Variants in FBN2 observed in about 807,000 individuals in gnomAD.
FBN2 encodes the protein fibrillin-2.
A neutral mutation model predicts 355.6 loss-of-function variants in FBN2; 105 were observed. The ratio of observed to expected loss-of-function variants is 0.30; its 90% CI spans 0.25 to 0.35. The LOEUF is 0.35. Ranked by LOEUF, FBN2 falls within the 10% of genes least tolerant of loss-of-function variation. The probability of loss-of-function intolerance (pLI) is 1.00; values close to 1 mark genes in which losing one functional copy is unlikely to be tolerated. For synonymous variants in FBN2, 1,350 were observed against 1,301.2 expected (o/e 1.04, Z -0.81); for missense variants, 3,280 against 3,758.7 (o/e 0.87, Z 3.33).
At chr5:128,380,233 A>G (rs1752194412) in intron 11 of FBN2, among the ~76,000 whole-genome samples, 1 of 152,114 alleles carries the variant, frequency 6.6e-6, no homozygotes, top group Non-Finnish European at 1.5e-5. Flanking sequence ...GCAAGCATAT[A>G]AAGTATAATA....
In FBN2 at chr5:128,357,289, T is replaced by G. The variant is rs774598529; in HGVS notation, c.2661A>C (p.Gly887=). ...CSPGSKLSST[G]LICIDSLKGT... ...TATGAATCTTACCAATACAGATCAA[T>G]CCTGTGGAGCTGAGTTTGCTGCCGG... The change falls in exon 20 of 65, where the codon GGA becomes GGC. Residue 887 remains glycine (G), a synonymous_variant. Coordinates refer to ENST00000262464, the MANE Select transcript of FBN2 (RefSeq NM_001999.4). 6.2e-7 allele frequency: 1 copy of G among 1,613,942 alleles called. No homozygotes were observed. Among genetic ancestry groups the G allele is most frequent in the Admixed American group, 1.7e-5 (1 of 60,010 alleles).
rs1384050918 is a variant in FBN2, at chr5:128,338,190, G to A, written c.3473-68C>T. ...AAAAATATTCACACATACAGCGTGG[G>A]AGAAAGAATATTATCTGATGTGAGA... On this transcript the variant is annotated intron_variant, in intron 26 of 64. Coordinates refer to ENST00000262464, the MANE Select transcript of FBN2 (RefSeq NM_001999.4). 4 of 1,464,576 alleles carry A rather than the reference G, an allele frequency of 2.7e-6. No individual in the cohort carries two copies. The African/African-American group carries it at 4.2e-5, about 15-fold the overall frequency. The allele number at this position is 1,464,576 out of a possible 1,614,324, so 90.7% of individuals were successfully genotyped here. A position where few individuals can be genotyped will look rare whatever the true frequency, so the allele number is the denominator to read the frequency against.
rs569461282 is a variant in FBN2 at position 128,341,156 on chromosome 5, C to T, written c.3344-2095G>A. On this transcript the variant is annotated intron_variant, in intron 25 of 64. Transcript: ENST00000262464. ...TTTTCCACAGAACTTCACAGTATAT[C>T]CAGAGCAATGCAGCCCTGTCAATGT... Among the ~76,000 whole-genome samples, 6 of 152,270 alleles carry T rather than the reference C, an allele frequency of 3.9e-5. No individual in the cohort carries two copies. In the South Asian group the frequency reaches 1.2e-3, roughly 32 times the overall value.
At chr5:128,473,096 T>C (rs1754916663) in intron 5 of FBN2, among the ~76,000 whole-genome samples, 1 of 152,194 alleles carries the variant, frequency 6.6e-6, no homozygotes, top group African/African-American at 2.4e-5. Flanking sequence ...ACATACTTAC[T>C]GACTATACTT....
chr5:128,263,593 C>T lies in FBN2; in HGVS notation c.8024G>A (p.Ser2675Asn), dbSNP rs761606393. Residue 2675 changes from serine (S) to asparagine (N), a missense_variant, in exon 63 of 65, where the codon AGT (serine) becomes AAT (asparagine). Around this residue, in one of 6 missense-constraint regions of FBN2, gnomAD observed 311 missense variants for 319.1 expected, o/e 0.97. Transcript: ENST00000262464. ...CCCCGAGGGGCAGGCGCACTTGTAACTCCCCAGGGTGTTGTAGCAGGAAGC... is the reference window on the plus strand; with the variant it reads ...CCCCGAGGGGCAGGCGCACTTGTAATTCCCCAGGGTGTTGTAGCAGGAAGC... ...GSASCYNTLG[S>N]YKCACPSGFS... is the part of the protein sequence containing the mutation. The T allele has an allele frequency of 1.2e-6, 2 of 1,614,138 alleles. No individual in the cohort carries two copies. Among genetic ancestry groups the T allele is most frequent in the Non-Finnish European group, 1.7e-6 (2 of 1,180,014 alleles).
intron 27 of FBN2, among the ~76,000 whole-genome samples, chr5:128,337,596 C>T (rs971934437): frequency 6.6e-6 from 1 of 152,222 alleles, no homozygotes; most frequent in Non-Finnish European, 1.5e-5. Context: ...CATGTTCACA[C>T]ATGTGCAAGC....
At chr5:128,474,758 AC>A (rs1754964250) in intron 5 of FBN2, among the ~76,000 whole-genome samples, 1 of 152,186 alleles carries the variant, frequency 6.6e-6, no homozygotes, top group Non-Finnish European at 1.5e-5. Context: ...TAATGGGAAA[AC>A]AAAAACCTCT....
At chr5:128,459,623 C>A (rs372932357) in intron 6 of FBN2, among the ~76,000 whole-genome samples, 1 of 152,210 alleles carries the variant, frequency 6.6e-6, no homozygotes. Context: ...AAGTCAGCTT[C>A]GTCCCCAGGA....
At chr5:128,424,276 C>T (rs1273374373) in intron 7 of FBN2, among the ~76,000 whole-genome samples, 1 of 152,084 alleles carries the variant, frequency 6.6e-6, no homozygotes, top group African/African-American at 2.4e-5. Flanking sequence ...CATCTGGTGA[C>T]ATCGATGAAA....
chr5:128,484,691 A>G (rs948524913), intron 5 of FBN2, among the ~76,000 whole-genome samples: 7 of 152,184 alleles, frequency 4.6e-5, no homozygotes, highest in Admixed American at 6.5e-5. Flanking sequence ...GTTCTCAAGA[A>G]AACCTTATAA....
intron 15 of FBN2, chr5:128,371,228 A>T (rs1419435526): frequency 6.6e-6 from 1 of 152,090 alleles, no homozygotes; most frequent in African/African-American, 2.4e-5. Context: ...CTGTTCAAAG[A>T]CCCCAAATTG....
chr5:128,335,122 T>C, intron 30 of FBN2, 48 bp downstream of exon 30: 1 of 1,612,070 alleles, frequency 6.2e-7, no homozygotes, highest in Non-Finnish European at 8.5e-7. Flanking sequence ...CATGTGGGTG[T>C]GTGTGCATGT....
chr5:128,335,102 C>T, intron 30 of FBN2, 68 bp downstream of exon 30: 3 of 1,599,986 alleles, frequency 1.9e-6, no homozygotes, highest in Non-Finnish European at 2.6e-6. Context: ...TTTTATCACG[C>T]TTGTGTGTGC....
At chr5:128,379,742 ATCT>A (rs34689391) in intron 11 of FBN2, among the ~76,000 whole-genome samples, 163 of 152,284 alleles carry the variant, frequency 1.1e-3, no homozygotes, top group Middle Eastern at 3.4e-3. Context: ...AGTTTAATTC[ATCT>A]TCTCTCAGCA....
intron 48 of FBN2, among the ~76,000 whole-genome samples, chr5:128,293,927 G>A (rs1372197737): frequency 5.3e-5 from 8 of 151,856 alleles, no homozygotes; most frequent in East Asian, 1.9e-4. Flanking sequence ...ATGCTGGTGT[G>A]CTGCACCCAC....
In FBN2 at chr5:128,537,709, GCTCCGGGGA is replaced by G; in HGVS notation, c.-115_-107del. 1 of 1,151,552 alleles carries G rather than the reference GCTCCGGGGA, an allele frequency of 8.7e-7. No individual in the cohort carries two copies. The highest frequency in any genetic ancestry group is 1.3e-6 in the Non-Finnish European group (1 of 797,200). The allele number at this position is 1,151,552 out of a possible 1,614,324, so 71.3% of individuals were successfully genotyped here. A position where few individuals can be genotyped will look rare whatever the true frequency, so the allele number is the denominator to read the frequency against. On this transcript the variant is annotated 5_prime_UTR_variant, in exon 1 of 65. Coordinates refer to ENST00000262464, the MANE Select transcript of FBN2 (RefSeq NM_001999.4). Reference sequence around the variant, plus strand: ...TCAGGGTCTAATAAGCCCTTCGTCGGCTCCGGGGACTCCCTCGGGCTCGGGCTCCCTGCT... The same window carrying G: ...TCAGGGTCTAATAAGCCCTTCGTCGGCTCCCTCGGGCTCGGGCTCCCTGCT...
intron 11 of FBN2, among the ~76,000 whole-genome samples, chr5:128,388,254 C>T (rs1281221032): frequency 6.6e-6 from 1 of 152,158 alleles, no homozygotes; most frequent in Non-Finnish European, 1.5e-5. Context: ...AGATGGGTCT[C>T]TTGAAGACAG....
chr5:128,289,679 C>A (rs1749265388), intron 51 of FBN2, among the ~76,000 whole-genome samples: 1 of 151,980 alleles, frequency 6.6e-6, no homozygotes, highest in Non-Finnish European at 1.5e-5. Flanking sequence ...CTTCTTTTGT[C>A]AGAGAAATAT....
intron 15 of FBN2, among the ~76,000 whole-genome samples, chr5:128,371,560 G>A (rs1751945220): frequency 8.1e-6 from 1 of 123,870 alleles, no homozygotes; most frequent in East Asian, 2.7e-4. Flanking sequence ...ATGGAGTCTC[G>A]CTCTGTCGCC....
Sources: gnomAD v4.1 joint callset for allele counts (sites outside exome capture counted in the v4.1 genomes callset) on GRCh38, gnomAD v4.1.1 for gene constraint, gnomAD v4.1.1 regional missense constraint, MANE v1.5 for transcripts, NCBI Gene and HGNC (gene_info 2026-07-23, HGNC 2026-07-21) for gene names.